ZSWIM7: variants seen among roughly 807,000 people sequenced by gnomAD.
ZSWIM7 encodes the protein zinc finger SWIM-type containing 7.
In ZSWIM7, 22 loss-of-function variants were observed where a neutral mutation model predicts 21.1. The observed-to-expected ratio is 1.04, with a 90% CI of 0.74 to 1.49. The LOEUF (loss-of-function observed/expected upper bound fraction) is 1.49. ZSWIM7 is among the 40% of genes most tolerant of loss of function. The probability of loss-of-function intolerance (pLI) is 0.00; values close to 1 mark genes in which losing one functional copy is unlikely to be tolerated. For missense variants in ZSWIM7, 193 were observed against 168.0 expected, an observed-to-expected ratio of 1.15 and a Z score of -0.82; for synonymous variants, 67 against 66.5, an observed-to-expected ratio of 1.01 and a Z score of -0.04.
intron 1 of ZSWIM7, 179 bp downstream of exon 1, chr17:15,999,340 C>T (rs987918303): frequency 3.7e-6 from 3 of 813,354 alleles, no homozygotes; most frequent in African/African-American, 3.4e-5. Context: ...TTACTTGTTC[C>T]AATTTCGCTT....
At chr17:15,992,758 A>G (rs1970502475) in intron 2 of ZSWIM7, among the ~76,000 whole-genome samples, 2 of 152,258 alleles carry the variant, frequency 1.3e-5, no homozygotes, top group Admixed American at 1.3e-4. Flanking sequence ...AATTTTTAAA[A>G]CAATGTTAAA....
Position 15,996,100 on chromosome 17 carries a change from C to T in ZSWIM7, c.77-2322G>A, listed in dbSNP as rs753713956. Among the ~76,000 whole-genome samples, 41 of 152,116 alleles carry T rather than the reference C, an allele frequency of 2.7e-4. 1 individual carries two copies. The highest frequency in any genetic ancestry group is 2.0e-3 in the Admixed American group (30 of 15,270). On this transcript the variant is annotated intron_variant, in intron 1 of 4. Transcript: ENST00000399277. ...CAGAAAAAGAACTTTTTCAGCCGGG[C>T]GCGATGGTCAGCCTGACTAACATTT...
intron 1 of ZSWIM7, among the ~76,000 whole-genome samples, chr17:15,995,699 CAGA>C (rs1295796237): frequency 6.6e-6 from 1 of 151,168 alleles, no homozygotes; most frequent in Non-Finnish European, 1.5e-5. Flanking sequence ...GTAAGTCAAC[CAGA>C]AGGACAACAG....
At chr17:15,990,409 G>A (rs1426230619) in intron 2 of ZSWIM7, among the ~76,000 whole-genome samples, 2 of 151,534 alleles carry the variant, frequency 1.3e-5, no homozygotes, top group Non-Finnish European at 2.9e-5. Context: ...GCAGTGGCAC[G>A]ACCTCTGCTC....
Position 15,977,607 on chromosome 17 carries a change from G to C in ZSWIM7, c.*440C>G, listed in dbSNP as rs188568163. On this transcript the variant is annotated 3_prime_UTR_variant, in exon 5 of 5. Transcript: ENST00000399277. Reference sequence around the variant, plus strand: ...TAGTCCCAGCTACTCGGGAGGCTGAGGCAGGAGAATGGCGTGAACCCGGGA... The same window carrying C: ...TAGTCCCAGCTACTCGGGAGGCTGACGCAGGAGAATGGCGTGAACCCGGGA... The C allele has an allele frequency of 6.5e-6, 1 of 152,832 alleles. No individual in the cohort carries two copies. The highest frequency in any genetic ancestry group is 2.4e-5 in the African/African-American group (1 of 41,328). 9.5% of individuals were successfully genotyped at this position (152,832 alleles called of 1,614,324 possible).
At position 15,991,909 on chromosome 17, in the gene ZSWIM7, TTTTTGTTTGTTTTGTTTTGTTTTG is replaced by T. The variant is rs1321102939; in HGVS notation, c.98+1824_98+1847del. ...GTCCTCCTGGGACAGGTTTTGTTTT[TTTTTGTTTGTTTTGTTTTGTTTTG>T]TTTTTTTTTTGAGACAGAGTCTTGC... On this transcript the variant is annotated intron_variant, in intron 2 of 4. Transcript: ENST00000399277. 1.5e-3 allele frequency among the ~76,000 whole-genome samples: 154 copies of T among 100,566 alleles called. 1 individual carries two copies. Among genetic ancestry groups the T allele is most frequent in the East Asian group, 3.3e-3 (16 of 4,890 alleles). 66.0% of individuals were successfully genotyped at this position (100,566 alleles called of 152,430 possible).
chr17:15,980,604 T>C (rs1249940493), intron 4 of ZSWIM7, among the ~76,000 whole-genome samples: 2 of 152,176 alleles, frequency 1.3e-5, no homozygotes, highest in Non-Finnish European at 2.9e-5. Context: ...GGCAAAGGCT[T>C]AAAGGAATAG....
Position 15,977,341 on chromosome 17 carries a change from T to G in ZSWIM7, c.*706A>C, listed in dbSNP as rs1400344912. On this transcript the variant is annotated 3_prime_UTR_variant, in exon 5 of 5. Transcript: ENST00000399277. ...AAGAACTGACCTACTCGTCGAAACTTCATCTTACTGTTTGGCCCACCATTC... is the reference window on the plus strand; with the variant it reads ...AAGAACTGACCTACTCGTCGAAACTGCATCTTACTGTTTGGCCCACCATTC... 6.6e-6 allele frequency: 1 copy of G among 152,180 alleles called. No individual in the cohort carries two copies. The highest frequency in any genetic ancestry group is 1.5e-5 in the Non-Finnish European group (1 of 68,038). The allele number at this position is 152,180 out of a possible 1,614,324, so 9.4% of individuals were successfully genotyped here. A position where few individuals can be genotyped will look rare whatever the true frequency, so the allele number is the denominator to read the frequency against.
Position 15,993,754 on chromosome 17 carries a change from T to TA in ZSWIM7, c.98+2dup. On this transcript the variant is annotated splice_region_variant and intron_variant, in intron 2 of 4. Coordinates refer to ENST00000399277, the MANE Select transcript of ZSWIM7 (RefSeq NM_001042697.2). ...AATCAAATACAACAGTATATGTACT[T>TA]ACGATAACAGATATTCATCAGGAAC... The TA allele has an allele frequency of 5.3e-6, 8 of 1,496,030 alleles. No homozygotes were observed. The highest frequency in any genetic ancestry group is 7.4e-6 in the Non-Finnish European group (8 of 1,082,014). The allele number at this position is 1,496,030 out of a possible 1,614,324, so 92.7% of individuals were successfully genotyped here. A position where few individuals can be genotyped will look rare whatever the true frequency, so the allele number is the denominator to read the frequency against.
At chr17:15,984,710 G>T (rs1970390390) in intron 3 of ZSWIM7, among the ~76,000 whole-genome samples, 1 of 152,184 alleles carries the variant, frequency 6.6e-6, no homozygotes, top group South Asian at 2.1e-4. Flanking sequence ...ATACAGGCTG[G>T]CCATGTGACC....
chr17:15,997,694 T>C (rs898565187), intron 1 of ZSWIM7, among the ~76,000 whole-genome samples: 2 of 152,138 alleles, frequency 1.3e-5, no homozygotes, highest in African/African-American at 4.8e-5. Context: ...CTTCTGAAAA[T>C]AAACATGAAT....
At chr17:15,989,571 G>C (rs1970456218) in intron 2 of ZSWIM7, among the ~76,000 whole-genome samples, 1 of 152,034 alleles carries the variant, frequency 6.6e-6, no homozygotes, top group Non-Finnish European at 1.5e-5. Context: ...CCCCGCCTTG[G>C]CCTCTCAAAG....
At chr17:15,984,867 T>TAC (rs1970391754) in intron 3 of ZSWIM7, among the ~76,000 whole-genome samples, 1 of 152,220 alleles carries the variant, frequency 6.6e-6, no homozygotes, top group Non-Finnish European at 1.5e-5. Flanking sequence ...GGAACAGAGC[T>TAC]ACAGCTGGCT....
chr17:15,999,654 G>T lies in ZSWIM7; in HGVS notation c.-60C>A. On this transcript the variant is annotated 5_prime_UTR_variant, in exon 1 of 5. Transcript: ENST00000399277. The stretch of plus-strand genomic sequence containing the variant: ...CCGCCGCGACGCTCCAGCTGACTGC[G>T]CCTACCTGTGGAGGATCCTGACCCC... 6.4e-7 allele frequency: 1 copy of T among 1,563,674 alleles called. No individual in the cohort carries two copies. Among genetic ancestry groups the T allele is most frequent in the Non-Finnish European group, 8.7e-7 (1 of 1,155,292 alleles).
At chr17:15,991,274 G>C (rs1970479159) in intron 2 of ZSWIM7, among the ~76,000 whole-genome samples, 1 of 151,922 alleles carries the variant, frequency 6.6e-6, no homozygotes, top group African/African-American at 2.4e-5. Flanking sequence ...TTGTTAGATT[G>C]TTTCTATGTT....
intron 3 of ZSWIM7, chr17:15,986,825 C>T: frequency 6.6e-6 from 1 of 152,360 alleles, no homozygotes; most frequent in Non-Finnish European, 1.5e-5. Flanking sequence ...TGTGAGAGGC[C>T]AAGGTGGGAG....
At chr17:15,997,457 AACAAAACCAAGAT>A (rs1231915110) in intron 1 of ZSWIM7, among the ~76,000 whole-genome samples, 16 of 152,204 alleles carry the variant, frequency 1.1e-4, no homozygotes, top group Non-Finnish European at 2.2e-4. Context: ...TAAGCACATA[AACAAAACCAAGAT>A]AGTTGTAACT....
At chr17:15,993,405 T>C (rs1438529056) in intron 2 of ZSWIM7, among the ~76,000 whole-genome samples, 8 of 151,498 alleles carry the variant, frequency 5.3e-5, no homozygotes, top group Admixed American at 1.3e-4. Flanking sequence ...TCTCACTCTG[T>C]CCCCAGGCTG....
intron 3 of ZSWIM7, among the ~76,000 whole-genome samples, chr17:15,984,483 G>A (rs971852181): frequency 6.6e-6 from 1 of 152,188 alleles, no homozygotes; most frequent in African/African-American, 2.4e-5. Flanking sequence ...AGAACTTGTA[G>A]GAACCTCACT....
Sources: allele counts gnomAD v4.1 joint callset (sites outside exome capture counted in the v4.1 genomes callset), GRCh38; gene constraint gnomAD v4.1.1; transcripts MANE v1.5; gene names NCBI Gene and HGNC (gene_info 2026-07-23, HGNC 2026-07-21).